TRIOBP: variants seen among roughly 807,000 people sequenced by gnomAD.
TRIOBP encodes TRIO and F-actin-binding protein.
TRIOBP carries 169 observed loss-of-function variants against 238.8 expected under a neutral mutation model. The ratio of observed to expected loss-of-function variants is 0.71; its 90% CI spans 0.62 to 0.80. The LOEUF (loss-of-function observed/expected upper bound fraction) is 0.80. Ranked by LOEUF, TRIOBP falls within the 30% of genes least tolerant of loss-of-function variation. The pLI is 0.00. For synonymous variants in TRIOBP, 1,150 were observed against 1,274.4 expected (o/e 0.90, Z 2.08); for missense variants, 2,838 against 3,122.6 (o/e 0.91, Z 2.17).
intron 7 of TRIOBP, among the ~76,000 whole-genome samples, chr22:37,730,463 G>A (rs113169924): frequency 6.6e-6 from 1 of 152,194 alleles, no homozygotes; most frequent in Non-Finnish European, 1.5e-5. Flanking sequence ...ACACACAAGT[G>A]CCTTGCTTCC....
rs937147163 is a variant in TRIOBP, at chr22:37,746,526, A to C, written c.5323-5246A>C. ...GGGGCAGCCCCCTCCTCATTTCCCGAAGGCGAGAGGAGGGCTGGGCCGGAA... is the reference window on the plus strand; with the variant it reads ...GGGGCAGCCCCCTCCTCATTTCCCGCAGGCGAGAGGAGGGCTGGGCCGGAA... On this transcript the variant is annotated intron_variant, in intron 11 of 23. Transcript: ENST00000644935. 5 of 1,019,028 alleles carry C rather than the reference A, an allele frequency of 4.9e-6. No individual in the cohort carries two copies. In the African/African-American group the frequency reaches 8.6e-5, roughly 18 times the overall value. 63.1% of individuals were successfully genotyped at this position (1,019,028 alleles called of 1,614,324 possible).
At chr22:37,772,851 C>T in intron 23 of TRIOBP, 87 bp downstream of exon 23, 1 of 1,515,034 alleles carries the variant, frequency 6.6e-7, no homozygotes, top group Non-Finnish European at 8.9e-7. Flanking sequence ...CCAGCCAGGC[C>T]ACTTCCTTCT....
rs761760600 is a variant in TRIOBP at position 37,771,693 on chromosome 22, A to G, written c.6893A>G (p.Lys2298Arg). 2 of 1,614,022 alleles carry G rather than the reference A, an allele frequency of 1.2e-6. No homozygotes were observed. The highest frequency in any genetic ancestry group is 3.3e-5 in the Admixed American group (2 of 60,000). ...VKENELQYLK[K>R]EVQCLRDELQ... ...GAAAACGAACTCCAGTACCTAAAGA[A>G]GGAGGTGCAGTGCCTCCGGGACGAG... Residue 2298 changes from lysine to arginine, a missense_variant, in exon 22 of 24, where the codon AAG becomes AGG. Physicochemically the swap from Lys to Arg is conservative, Grantham distance 26 (BLOSUM62 2). Around this residue, in one of 5 missense-constraint regions of TRIOBP, gnomAD observed 2,096 missense variants for 2,137.4 expected, o/e 0.98. Coordinates refer to ENST00000644935, the MANE Select transcript of TRIOBP (RefSeq NM_001039141.3).
intron 10 of TRIOBP, among the ~76,000 whole-genome samples, chr22:37,740,359 T>C (rs1924873548): frequency 6.6e-6 from 1 of 152,130 alleles, no homozygotes; most frequent in African/African-American, 2.4e-5. Context: ...AGTCCACAAC[T>C]CATTCCCTTT....
At chr22:37,749,786 A>G (rs1264674619) in intron 11 of TRIOBP, among the ~76,000 whole-genome samples, 1 of 150,478 alleles carries the variant, frequency 6.6e-6, no homozygotes, top group East Asian at 1.9e-4. Context: ...ATCTCTACAA[A>G]AAAAAAAAAA....
At chr22:37,743,842 TGTGCTGGGTGTGTGTGA>T (rs1199060536) in intron 11 of TRIOBP, among the ~76,000 whole-genome samples, 2 of 115,184 alleles carry the variant, frequency 1.7e-5, no homozygotes, top group Admixed American at 9.6e-5. Flanking sequence ...TGTGTGTGTG[TGTGCTGGGTGTGTGTGA>T]GTGTGTGCTG....
At position 37,775,933 on chromosome 22, in the gene TRIOBP, C is replaced by T. The variant is rs1927010816; in HGVS notation, c.*2153C>T. The T allele has an allele frequency of 6.6e-6, 1 of 152,366 alleles. No homozygotes were observed. The highest frequency in any genetic ancestry group is 1.9e-4 in the East Asian group (1 of 5,186). The allele number at this position is 152,366 out of a possible 1,614,324, so 9.4% of individuals were successfully genotyped here. On this transcript the variant is annotated 3_prime_UTR_variant, in exon 24 of 24. Coordinates refer to ENST00000644935, the MANE Select transcript of TRIOBP (RefSeq NM_001039141.3). ...ATCCTCCGGCCTTGTGCTGCCCTGT[C>T]TCGGCACTGCTTGCCTTAGGAGATC... is the stretch of plus-strand genomic sequence containing the variant.
Position 37,726,384 on chromosome 22 carries a change from GC to G in TRIOBP, c.3833del (p.Pro1278HisfsTer78). On this transcript the variant is annotated frameshift_variant, in exon 7 of 24. Coordinates refer to ENST00000644935, the MANE Select transcript of TRIOBP (RefSeq NM_001039141.3). LOFTEE classifies it high-confidence loss of function. ...AGGAGTACACTGTGCTGGCCGACCT[GC>G]CCCCACCCAGGAGGCTGGCCCAGAG... ...REEYTVLADL[P>X]PPRRLAQRQP... 1.3e-6 allele frequency: 2 copies of G among 1,589,654 alleles called. No homozygotes were observed. The highest frequency in any genetic ancestry group is 4.5e-5 in the East Asian group (2 of 44,528).
chr22:37,708,357 T>A (rs1160046685), intron 3 of TRIOBP, among the ~76,000 whole-genome samples: 4 of 150,294 alleles, frequency 2.7e-5, no homozygotes, highest in Non-Finnish European at 4.4e-5. Flanking sequence ...TCGAGACCAG[T>A]CTCGCCAACA....
chr22:37,710,340 C>T lies in TRIOBP; in HGVS notation c.115-87C>T, dbSNP rs1456693304. The stretch of plus-strand genomic sequence containing the variant: ...GATCCCCCGAGGAGATGCCTGGAGA[C>T]TCCCACGCCACCGGGAGGGGCTGTG... On this transcript the variant is annotated intron_variant, in intron 3 of 23. Coordinates refer to ENST00000644935, the MANE Select transcript of TRIOBP (RefSeq NM_001039141.3). The T allele has an allele frequency of 4.4e-6, 7 of 1,581,004 alleles. No homozygotes were observed. The Admixed American group carries it at 1.2e-4, about 27-fold the overall frequency.
intron 11 of TRIOBP, among the ~76,000 whole-genome samples, chr22:37,748,475 A>G (rs1925399019): frequency 6.6e-6 from 1 of 151,950 alleles, no homozygotes. Context: ...ATCAAATTAT[A>G]TTTGGTCCCT....
chr22:37,735,238 C>G lies in TRIOBP; in HGVS notation c.4902C>G (p.Ala1634=). 2 of 1,604,396 alleles carry G rather than the reference C, an allele frequency of 1.2e-6. No individual in the cohort carries two copies. The highest frequency in any genetic ancestry group is 1.1e-5 in the South Asian group (1 of 90,878). ...QESHSQPEGW[A]EATPVNGHSP... ...CACACAGCCAGCCAGAAGGCTGGGC[C>G]GAGGCCACCCCAGTCAATGGACACA... The change falls in exon 9 of 24, where the codon GCC becomes GCG. Residue 1634 remains alanine (A), a synonymous_variant. Transcript: ENST00000644935.
Position 37,735,245 on chromosome 22 carries a change from A to T in TRIOBP, c.4909A>T (p.Thr1637Ser). The change falls in exon 9 of 24, where the codon ACC becomes TCC. Residue 1637 changes from threonine to serine, a missense_variant. This residue lies in a region of TRIOBP where 2,096 missense variants were observed against 2,137.4 expected (regional missense o/e 0.98). Coordinates refer to ENST00000644935, the MANE Select transcript of TRIOBP (RefSeq NM_001039141.3). ...CCAGCCAGAAGGCTGGGCCGAGGCC[A>T]CCCCAGTCAATGGACACAGCCCCGC... Reference protein sequence around the residue: ...HSQPEGWAEATPVNGHSPALQ... With the variant: ...HSQPEGWAEASPVNGHSPALQ... 1 of 1,603,786 alleles carries T rather than the reference A, an allele frequency of 6.2e-7. No individual in the cohort carries two copies. Among genetic ancestry groups the T allele is most frequent in the Non-Finnish European group, 8.5e-7 (1 of 1,172,246 alleles).
At chr22:37,723,157 AC>A in intron 6 of TRIOBP, 27 bp from the exon 7 acceptor site, 4 of 1,612,652 alleles carry the variant, frequency 2.5e-6, no homozygotes, top group Non-Finnish European at 2.5e-6. Context: ...CTCTCCCCTT[AC>A]CTTGAGCCCC....
In TRIOBP at chr22:37,756,267, C is replaced by T. The variant is rs1925915699; in HGVS notation, c.5687+608C>T. 5.3e-5 allele frequency among the ~76,000 whole-genome samples: 8 copies of T among 152,182 alleles called. 1 individual carries two copies. The South Asian group carries it at 1.7e-3, about 32-fold the overall frequency. ...CTTGAGCTCAGGAGTTCAAGACCAGCCTGGGCAATATAGTGAGACCTCGTC... is the reference window on the plus strand; with the variant it reads ...CTTGAGCTCAGGAGTTCAAGACCAGTCTGGGCAATATAGTGAGACCTCGTC... On this transcript the variant is annotated intron_variant, in intron 15 of 23. Transcript: ENST00000644935.
chr22:37,709,428 C>T lies in TRIOBP; in HGVS notation c.115-999C>T, dbSNP rs369097647. Among the ~76,000 whole-genome samples, 88 of 152,366 alleles carry T rather than the reference C, an allele frequency of 5.8e-4. 3 individuals are homozygous for T. The South Asian group carries it at 0.017, about 30-fold the overall frequency. On this transcript the variant is annotated intron_variant, in intron 3 of 23. Coordinates refer to ENST00000644935, the MANE Select transcript of TRIOBP (RefSeq NM_001039141.3). ...AATGAGGGGCCCCTGCTCCCGAAGC[C>T]GGCCCCTCTAAGGTTTCCACTGCCT...
intron 4 of TRIOBP, among the ~76,000 whole-genome samples, chr22:37,712,939 A>C: frequency 6.6e-6 from 1 of 150,520 alleles, no homozygotes; most frequent in African/African-American, 2.4e-5. Flanking sequence ...CCTGGGTGAC[A>C]GAGCGAGACT....
chr22:37,729,057 A>G (rs996899835), intron 7 of TRIOBP, among the ~76,000 whole-genome samples: 1 of 152,166 alleles, frequency 6.6e-6, no homozygotes, highest in Non-Finnish European at 1.5e-5. Context: ...CTGGGACTAC[A>G]GGAGCATGCC....
intron 4 of TRIOBP, among the ~76,000 whole-genome samples, chr22:37,711,260 G>A (rs1025120427): frequency 3.3e-5 from 5 of 152,132 alleles, no homozygotes; most frequent in African/African-American, 9.7e-5. Context: ...CTCCTCACAG[G>A]TAGGCATATT....
Sources: allele counts gnomAD v4.1 joint callset (sites outside exome capture counted in the v4.1 genomes callset), GRCh38; gene constraint gnomAD v4.1.1; regional missense constraint gnomAD v4.1.1; transcripts MANE v1.5; gene names NCBI Gene and HGNC (gene_info 2026-07-23, HGNC 2026-07-21).